The following ADAM17 variants were observed in gnomAD, a reference collection of about 807,000 sequenced individuals.
The protein encoded by ADAM17 is ADAM metallopeptidase domain 17.
ADAM17 carries 39 observed loss-of-function variants against 96.7 expected under a neutral mutation model. That is an observed-to-expected ratio of 0.40 (90% CI 0.31 to 0.53). The LOEUF (loss-of-function observed/expected upper bound fraction) is 0.53. ADAM17 is among the 20% of genes least tolerant of loss of function. The pLI is 0.44. For synonymous variants in ADAM17, 344 were observed against 359.2 expected (o/e 0.96, Z 0.48); for missense variants, 777 against 1,013.2 (o/e 0.77, Z 3.17).
chr2:9,519,971 G>A (rs1193060853), intron 8 of ADAM17, among the ~76,000 whole-genome samples: 1 of 152,208 alleles, frequency 6.6e-6, no homozygotes, highest in Non-Finnish European at 1.5e-5. Flanking sequence ...ACCTCTCAGG[G>A]TGCTCAGCAG....
chr2:9,499,546 C>T lies in ADAM17; in HGVS notation c.1649-2298G>A, dbSNP rs377318783. Among the ~76,000 whole-genome samples the T allele has an allele frequency of 6.0e-4, 91 of 152,096 alleles. No homozygotes were observed. In the East Asian group the frequency reaches 0.012, roughly 20 times the overall value. ...CCTCCCAAGTAGCTGGGACTACAGG[C>T]GCCCGCCACCACGCCCAGCTAATTT... On this transcript the variant is annotated intron_variant, in intron 13 of 18. Transcript: ENST00000310823.
intron 10 of ADAM17, among the ~76,000 whole-genome samples, chr2:9,514,521 AT>A (rs1663935263): frequency 0.014 from 45 of 3,214 alleles, 3 homozygotes; most frequent in Admixed American, 0.051. Context: ...AAATATAAAT[AT>A]ATATATATAT....
chr2:9,531,967 T>C (rs191277483), intron 4 of ADAM17, among the ~76,000 whole-genome samples: 1 of 152,052 alleles, frequency 6.6e-6, no homozygotes, highest in Non-Finnish European at 1.5e-5. Context: ...AACAAATTAG[T>C]TGGGCATGGT....
chr2:9,530,135 T>C (rs1319977968), intron 4 of ADAM17, among the ~76,000 whole-genome samples: 1 of 152,218 alleles, frequency 6.6e-6, no homozygotes, highest in African/African-American at 2.4e-5. Flanking sequence ...TTACAGAATT[T>C]CAGGGTTGGC....
Position 9,536,041 on chromosome 2 carries a change from T to C in ADAM17, c.362-119A>G, listed in dbSNP as rs13423630. 1,619 of 519,102 alleles carry C rather than the reference T, an allele frequency of 3.1e-3. 15 individuals are homozygous for C. The highest frequency in any genetic ancestry group is 0.029 in the African/African-American group (1,465 of 50,368). The allele number at this position is 519,102 out of a possible 1,614,324, so 32.2% of individuals were successfully genotyped here. On this transcript the variant is annotated intron_variant, in intron 3 of 18. Coordinates refer to ENST00000310823, the MANE Select transcript of ADAM17 (RefSeq NM_003183.6). ...AATTTGCCTAGTACTGTGAGAGCTCTGCAAAACAAGAAACAAAGGCTCCAG... is the reference window on the plus strand; with the variant it reads ...AATTTGCCTAGTACTGTGAGAGCTCCGCAAAACAAGAAACAAAGGCTCCAG...
intron 6 of ADAM17, among the ~76,000 whole-genome samples, chr2:9,525,265 C>T (rs1341333421): frequency 2.7e-5 from 4 of 149,072 alleles, no homozygotes; most frequent in Non-Finnish European, 5.9e-5. Flanking sequence ...TGCCACTGCA[C>T]TCCAGCCTGG....
intron 10 of ADAM17, among the ~76,000 whole-genome samples, chr2:9,516,761 T>A (rs963417033): frequency 2.4e-4 from 37 of 151,538 alleles, no homozygotes; most frequent in Non-Finnish European, 4.9e-4. Context: ...TCAAAAAAAA[T>A]AAAAATTAAA....
chr2:9,494,113 C>A (rs762941145), intron 15 of ADAM17, among the ~76,000 whole-genome samples: 1 of 152,162 alleles, frequency 6.6e-6, no homozygotes, highest in African/African-American at 2.4e-5. Context: ...AAGGACTCTA[C>A]ACATACACAG....
At chr2:9,490,585 C>T in intron 18 of ADAM17, 67 bp from the exon 19 acceptor site, 1 of 1,444,226 alleles carries the variant, frequency 6.9e-7, no homozygotes, top group Non-Finnish European at 9.3e-7. Context: ...CACAGCTCCA[C>T]CCTTACCCAT....
chr2:9,513,599 AAATCC>A (rs1663864300), intron 10 of ADAM17, among the ~76,000 whole-genome samples: 2 of 152,182 alleles, frequency 1.3e-5, no homozygotes, highest in African/African-American at 4.8e-5. Flanking sequence ...ATGTAGGGGG[AAATCC>A]CCACACGTTT....
At chr2:9,527,990 CAAT>C in intron 4 of ADAM17, 36 bp from the exon 5 acceptor site, 1 of 1,333,912 alleles carries the variant, frequency 7.5e-7, no homozygotes, top group Non-Finnish European at 1.0e-6. Context: ...AGATGGAAAA[CAAT>C]AATAATTCCT....
intron 12 of ADAM17, among the ~76,000 whole-genome samples, chr2:9,502,564 C>T (rs957659053): frequency 6.6e-6 from 1 of 152,054 alleles, no homozygotes; most frequent in African/African-American, 2.4e-5. Context: ...ATTCATTTAA[C>T]GCATTAATTT....
Position 9,489,253 on chromosome 2 carries a change from T to C in ADAM17, c.*924A>G, listed in dbSNP as rs932619770. On this transcript the variant is annotated 3_prime_UTR_variant, in exon 19 of 19. Coordinates refer to ENST00000310823, the MANE Select transcript of ADAM17 (RefSeq NM_003183.6). ...ATTTTAAATATTCTAGGTTTGTAGA[T>C]AGTGAATTTTTTTTTTTTTTTTTTT... The C allele has an allele frequency of 1.4e-5, 2 of 145,680 alleles. No homozygotes were observed. Among genetic ancestry groups the C allele is most frequent in the Admixed American group, 7.0e-5 (1 of 14,386 alleles). 9.0% of individuals were successfully genotyped at this position (145,680 alleles called of 1,614,324 possible).
intron 13 of ADAM17, among the ~76,000 whole-genome samples, chr2:9,498,798 T>C (rs542907136): frequency 2.0e-5 from 3 of 152,376 alleles, no homozygotes; most frequent in Admixed American, 2.0e-4. Context: ...TATATGATAC[T>C]GCCCTGATAC....
intron 13 of ADAM17, among the ~76,000 whole-genome samples, chr2:9,500,539 G>C (rs1264178882): frequency 6.6e-6 from 1 of 152,040 alleles, no homozygotes; most frequent in Non-Finnish European, 1.5e-5. Context: ...CTTTAAATGG[G>C]CAAACTACAT....
In ADAM17 at chr2:9,490,111, ATTGAT is replaced by A. The variant is rs374487688; in HGVS notation, c.*61_*65del. 6,896 of 1,373,046 alleles carry A rather than the reference ATTGAT, an allele frequency of 5.0e-3. 20 individuals are homozygous for A. The highest frequency in any genetic ancestry group is 6.0e-3 in the Non-Finnish European group (6,137 of 1,018,650). The allele number at this position is 1,373,046 out of a possible 1,614,324, so 85.1% of individuals were successfully genotyped here. A position where few individuals can be genotyped will look rare whatever the true frequency, so the allele number is the denominator to read the frequency against. On this transcript the variant is annotated 3_prime_UTR_variant, in exon 19 of 19. Transcript: ENST00000310823. ...CAGTCTTCACAAAATACAAGCTGTG[ATTGAT>A]TTGTAGGTCAAATCTATAAAAATAT... is the stretch of plus-strand genomic sequence containing the variant.
chr2:9,517,061 T>C (rs1664091554), intron 10 of ADAM17, among the ~76,000 whole-genome samples: 1 of 152,196 alleles, frequency 6.6e-6, no homozygotes, highest in Non-Finnish European at 1.5e-5. Context: ...GAGAACCATC[T>C]TAAAACCATG....
intron 4 of ADAM17, among the ~76,000 whole-genome samples, chr2:9,530,434 C>T (rs1350456534): frequency 6.6e-6 from 1 of 152,110 alleles, no homozygotes; most frequent in Admixed American, 6.5e-5. Flanking sequence ...TAATACCTAA[C>T]TTGAAGATTA....
At chr2:9,554,957 G>A (rs900914637) in intron 1 of ADAM17, among the ~76,000 whole-genome samples, 3 of 152,024 alleles carry the variant, frequency 2.0e-5, no homozygotes, top group African/African-American at 7.2e-5. Flanking sequence ...AAATAACCAA[G>A]AACGTGCTTA....
Sources: allele counts gnomAD v4.1 joint callset (sites outside exome capture counted in the v4.1 genomes callset), GRCh38; gene constraint gnomAD v4.1.1; transcripts MANE v1.5; gene names NCBI Gene and HGNC (gene_info 2026-07-23, HGNC 2026-07-21).